FAM227B: variants seen among roughly 807,000 people sequenced by gnomAD.
FAM227B encodes protein FAM227B.
FAM227B carries 88 observed loss-of-function variants against 73.8 expected under a neutral mutation model. The observed-to-expected ratio is 1.19, with a 90% CI of 1.00 to 1.42. The LOEUF is 1.42. Ranked by LOEUF, FAM227B falls within the 40% of genes most tolerant of loss-of-function variation. The probability of loss-of-function intolerance (pLI) is 0.00; values close to 1 mark genes in which losing one functional copy is unlikely to be tolerated. For synonymous variants in FAM227B, 210 were observed against 190.5 expected (o/e 1.10, Z -0.84); for missense variants, 632 against 590.9 (o/e 1.07, Z -0.72).
chr15:49,589,956 T>C lies in FAM227B; in HGVS notation c.157A>G (p.Thr53Ala). ...HFRDDDKWSC[T>A]LKKIKEDSSF... ...CTATCTTCTTTTATTTTTTTCAGAG[T>C]GCATGACCATTTATCATCATCTCTA... The change falls in exon 4 of 16, where the codon ACT becomes GCT. Residue 53 changes from threonine (T) to alanine (A), a missense_variant. By Grantham distance (58) the Thr-to-Ala change is moderately conservative. Transcript: ENST00000299338. 1 of 1,608,858 alleles carries C rather than the reference T, an allele frequency of 6.2e-7. No homozygotes were observed. Among genetic ancestry groups the C allele is most frequent in the Non-Finnish European group, 8.5e-7 (1 of 1,175,522 alleles).
chr15:49,328,587 A>G lies in FAM227B; in HGVS notation c.1508T>C (p.Phe503Ser), dbSNP rs1210745812. 4.1e-5 allele frequency: 65 copies of G among 1,599,108 alleles called. No individual in the cohort carries two copies. In the Admixed American group the frequency reaches 1.1e-3, roughly 27 times the overall value. The part of the protein sequence containing the change: ...SSPSSTDNYN[F>S]EEEEY ...TTTCTCTTAGTATTCTTCTTCCTCA[A>G]AGTTGTAGTTGTCTGTTGATGATGG... Residue 503 changes from phenylalanine (F) to serine (S), a missense_variant, in exon 16 of 16, where the codon TTT (phenylalanine) becomes TCT (serine). By Grantham distance (155) the Phe-to-Ser change is radical. Coordinates refer to ENST00000299338, the MANE Select transcript of FAM227B (RefSeq NM_152647.3).
intron 11 of FAM227B, among the ~76,000 whole-genome samples, chr15:49,382,371 T>C (rs1349520156): frequency 4.6e-5 from 7 of 152,224 alleles, no homozygotes; most frequent in Non-Finnish European, 8.8e-5. Context: ...GTGACGTTCC[T>C]AATCATTAAG....
intron 9 of FAM227B, among the ~76,000 whole-genome samples, chr15:49,546,011 G>C (rs2071807905): frequency 6.6e-6 from 1 of 151,178 alleles, no homozygotes; most frequent in African/African-American, 2.4e-5. Flanking sequence ...ACAACGTGCA[G>C]GTTTGTTACA....
At chr15:49,498,009 C>G (rs1022833426) in intron 11 of FAM227B, among the ~76,000 whole-genome samples, 1 of 152,196 alleles carries the variant, frequency 6.6e-6, no homozygotes, top group Non-Finnish European at 1.5e-5. Flanking sequence ...AGCATCTTTC[C>G]TCATTCACCC....
At chr15:49,413,945 G>T (rs2049041063) in intron 11 of FAM227B, among the ~76,000 whole-genome samples, 2 of 151,660 alleles carry the variant, frequency 1.3e-5, no homozygotes, top group African/African-American at 4.8e-5. Context: ...ATTTTGTAAT[G>T]AGATTTGAAA....
chr15:49,330,072 C>T (rs12910584), intron 15 of FAM227B: 6,171 of 152,222 alleles, frequency 0.041, 226 homozygotes, highest in East Asian at 0.17. Context: ...GGGATAGGGC[C>T]GGGGCCATTA....
intron 11 of FAM227B, among the ~76,000 whole-genome samples, chr15:49,380,157 C>CT (rs144577045): frequency 0.017 from 2,643 of 152,298 alleles, 97 homozygotes; most frequent in African/African-American, 0.061. Flanking sequence ...CCCATAGCCA[C>CT]TGACACCCCA....
At chr15:49,366,459 A>G (rs1241998518) in intron 13 of FAM227B, 3 of 995,878 alleles carry the variant, frequency 3.0e-6, no homozygotes, top group Non-Finnish European at 4.9e-6. Context: ...GGAACATCAG[A>G]AAGGTTGCAT....
chr15:49,570,894 A>C (rs945105633), intron 8 of FAM227B, among the ~76,000 whole-genome samples: 8 of 147,368 alleles, frequency 5.4e-5, no homozygotes, highest in Non-Finnish European at 1.2e-4. Context: ...TAATTTATTA[A>C]TATTATTATG....
rs1295815956 is a variant in FAM227B, at chr15:49,544,368, CTT to C, written c.748-2564_748-2563del. Among the ~76,000 whole-genome samples, 6 of 152,098 alleles carry C rather than the reference CTT, an allele frequency of 3.9e-5. No individual in the cohort carries two copies. In the East Asian group the frequency reaches 1.2e-3, roughly 29 times the overall value. ...TGTACACTGATTTCATATCCTGAAACTTTAGTGAATGAATTTGTCAGATATAG... is the reference window on the plus strand; with the variant it reads ...TGTACACTGATTTCATATCCTGAAACTAGTGAATGAATTTGTCAGATATAG... On this transcript the variant is annotated intron_variant, in intron 9 of 15. Coordinates refer to ENST00000299338, the MANE Select transcript of FAM227B (RefSeq NM_152647.3).
chr15:49,522,708 T>C (rs1190004193), intron 10 of FAM227B, among the ~76,000 whole-genome samples: 1 of 152,102 alleles, frequency 6.6e-6, no homozygotes, highest in Non-Finnish European at 1.5e-5. Flanking sequence ...AAACTAGTCT[T>C]TCAAATTAAC....
chr15:49,477,533 A>G (rs1267071970), intron 11 of FAM227B, among the ~76,000 whole-genome samples: 1 of 152,236 alleles, frequency 6.6e-6, no homozygotes, highest in Non-Finnish European at 1.5e-5. Context: ...TTATTGCTAA[A>G]TAATATTCCA....
At chr15:49,407,640 ATATAT>A (rs980155957) in intron 11 of FAM227B, among the ~76,000 whole-genome samples, 54 of 148,064 alleles carry the variant, frequency 3.6e-4, no homozygotes, top group South Asian at 6.3e-4. Flanking sequence ...TATTTAATAT[ATATAT>A]TATATTATTA....
chr15:49,354,344 C>A (rs1596439460), intron 13 of FAM227B, among the ~76,000 whole-genome samples: 1 of 152,350 alleles, frequency 6.6e-6, no homozygotes, highest in East Asian at 1.9e-4. Context: ...CCGGGTTCAT[C>A]TCACTAGGGA....
In FAM227B at chr15:49,367,582, C is replaced by T; in HGVS notation, c.1137G>A (p.Glu379=). The change falls in exon 13 of 16, where the codon GAG becomes GAA. Residue 379 remains glutamate, a synonymous_variant. Transcript: ENST00000299338. The stretch of plus-strand genomic sequence containing the variant: ...CAAAATTGAAGAGAACACGATTAAA[C>T]TCTGGACCAGTACTACTATAGTGCG... The part of the protein sequence containing the change: ...TKSHYSSTGP[E]FNRVLFNFGG... 1 of 1,598,946 alleles carries T rather than the reference C, an allele frequency of 6.3e-7. No individual in the cohort carries two copies. Among genetic ancestry groups the T allele is most frequent in the Non-Finnish European group, 8.5e-7 (1 of 1,176,644 alleles).
intron 13 of FAM227B, 25 bp from the exon 14 acceptor site, chr15:49,335,521 G>A (rs2039552378): frequency 1.3e-6 from 2 of 1,563,994 alleles, no homozygotes; most frequent in Admixed American, 1.7e-5. Context: ...ATTAAGGAAT[G>A]ATTTTCAATT....
chr15:49,425,796 A>G (rs2050076270), intron 11 of FAM227B, among the ~76,000 whole-genome samples: 1 of 151,770 alleles, frequency 6.6e-6, no homozygotes, highest in South Asian at 2.1e-4. Flanking sequence ...CTGGACAGTT[A>G]TGGTTTTATT....
intron 13 of FAM227B, among the ~76,000 whole-genome samples, chr15:49,363,221 C>G (rs2044554010): frequency 6.6e-6 from 1 of 152,078 alleles, no homozygotes; most frequent in Non-Finnish European, 1.5e-5. Context: ...GGCAGTATGG[C>G]CATTTAAATG....
At chr15:49,496,956 C>T (rs2057669139) in intron 11 of FAM227B, among the ~76,000 whole-genome samples, 4 of 152,030 alleles carry the variant, frequency 2.6e-5, no homozygotes, top group African/African-American at 7.2e-5. Context: ...CACACACACA[C>T]ACAGCTATAG....
Sources: gnomAD v4.1 joint callset for allele counts (sites outside exome capture counted in the v4.1 genomes callset) on GRCh38, gnomAD v4.1.1 for gene constraint, MANE v1.5 for transcripts, NCBI Gene and HGNC (gene_info 2026-07-23, HGNC 2026-07-21) for gene names.